The following PRUNE2 variants were observed in gnomAD, a reference collection of about 807,000 sequenced individuals.
PRUNE2 encodes protein prune homolog 2.
Under a neutral mutation model 252.0 loss-of-function variants are expected in PRUNE2, and 164 were observed. The observed-to-expected ratio is 0.65, with a 90% CI of 0.57 to 0.74. PRUNE2 has a LOEUF of 0.74. PRUNE2 is among the 30% of genes least tolerant of loss of function. The pLI is 0.00. For missense variants in PRUNE2, 3,495 were observed against 3,711.0 expected, an observed-to-expected ratio of 0.94 and a Z score of 1.51; for synonymous variants, 1,292 against 1,350.2, an observed-to-expected ratio of 0.96 and a Z score of 0.94.
At chr9:76,734,767 C>G (rs537191008) in intron 6 of PRUNE2, among the ~76,000 whole-genome samples, 1 of 152,280 alleles carries the variant, frequency 6.6e-6, no homozygotes, top group East Asian at 1.9e-4. Context: ...CAGGCCTAGC[C>G]ATACTCTGTT....
At chr9:76,703,314 A>T (rs763531370) in intron 9 of PRUNE2, 23 bp downstream of exon 9, 1 of 1,542,040 alleles carries the variant, frequency 6.5e-7, no homozygotes, top group Non-Finnish European at 8.7e-7. Flanking sequence ...CAGGAAAAAA[A>T]ATAAATCTAG....
At chr9:76,839,712 T>C (rs932482726) in intron 4 of PRUNE2, among the ~76,000 whole-genome samples, 2 of 152,084 alleles carry the variant, frequency 1.3e-5, no homozygotes, top group African/African-American at 2.4e-5. Context: ...ATGGAGGAGA[T>C]AGGGCAACAG....
intron 4 of PRUNE2, among the ~76,000 whole-genome samples, chr9:76,842,561 A>T (rs1456384900): frequency 6.6e-6 from 1 of 152,210 alleles, no homozygotes; most frequent in African/African-American, 2.4e-5. Context: ...ACAGAGTGGG[A>T]GAAAAATTTT....
chr9:76,620,565 T>C (rs1831840165), intron 17 of PRUNE2, among the ~76,000 whole-genome samples: 1 of 152,150 alleles, frequency 6.6e-6, no homozygotes, highest in South Asian at 2.1e-4. Flanking sequence ...TGTTTGCACA[T>C]AAGAGGATCC....
intron 6 of PRUNE2, among the ~76,000 whole-genome samples, chr9:76,804,687 T>A (rs921857435): frequency 1.3e-5 from 2 of 152,114 alleles, no homozygotes; most frequent in Non-Finnish European, 2.9e-5. Context: ...AAAGCCCCAG[T>A]GGGTGCTGGG....
rs576784433 is a variant in PRUNE2 at position 76,698,917 on chromosome 9, C to T, written c.8276+4420G>A. 3.9e-5 allele frequency among the ~76,000 whole-genome samples: 6 copies of T among 152,270 alleles called. No homozygotes were observed. The South Asian group carries it at 1.2e-3, about 32-fold the overall frequency. On this transcript the variant is annotated intron_variant, in intron 9 of 18. Transcript: ENST00000376718. ...TCTTTATTTCAGGGAATACTGAATACCTCACCTCACAGAGCTAGGAAACAA... is the reference window on the plus strand; with the variant it reads ...TCTTTATTTCAGGGAATACTGAATATCTCACCTCACAGAGCTAGGAAACAA...
At position 76,888,857 on chromosome 9, in the gene PRUNE2, T is replaced by A. The variant is rs566825449; in HGVS notation, c.36+17071A>T. Among the ~76,000 whole-genome samples, 406 of 152,100 alleles carry A rather than the reference T, an allele frequency of 2.7e-3. 1 individual carries two copies. Among genetic ancestry groups the A allele is most frequent in the African/African-American group, 9.1e-3 (379 of 41,492 alleles). ...TAATGTTTTTTGTTGTTGTTGTTGT[T>A]TTTGAGACGGAGTCGCGCTCTGTCA... On this transcript the variant is annotated intron_variant, in intron 1 of 18. Coordinates refer to ENST00000376718, the MANE Select transcript of PRUNE2 (RefSeq NM_015225.3).
At chr9:76,700,904 C>T (rs2045831735) in intron 9 of PRUNE2, among the ~76,000 whole-genome samples, 2 of 152,222 alleles carry the variant, frequency 1.3e-5, no homozygotes, top group Admixed American at 1.3e-4. Context: ...GGTCCAACAG[C>T]AAATAGCCTG....
intron 1 of PRUNE2, among the ~76,000 whole-genome samples, chr9:76,879,224 G>C (rs919827699): frequency 1.3e-5 from 2 of 152,186 alleles, no homozygotes; most frequent in African/African-American, 4.8e-5. Context: ...GAGAGACAGA[G>C]AAAGAAAACA....
chr9:76,717,824 C>T (rs1334952022), intron 6 of PRUNE2, among the ~76,000 whole-genome samples: 1 of 152,148 alleles, frequency 6.6e-6, no homozygotes, highest in Non-Finnish European at 1.5e-5. Flanking sequence ...GGGAGAATGG[C>T]AATTGCTCCC....
intron 2 of PRUNE2, 28 bp downstream of exon 2, chr9:76,854,075 AT>A (rs2060109198): frequency 1.9e-6 from 2 of 1,070,888 alleles, no homozygotes; most frequent in Non-Finnish European, 2.8e-6. Flanking sequence ...AATTCAAAAT[AT>A]AAGGAGTATT....
intron 1 of PRUNE2, among the ~76,000 whole-genome samples, chr9:76,855,613 G>C (rs990926477): frequency 1.3e-5 from 2 of 152,088 alleles, no homozygotes; most frequent in African/African-American, 2.4e-5. Context: ...AGGGGGCTAG[G>C]TTAGTCTATC....
chr9:76,887,499 C>T (rs991272406), intron 1 of PRUNE2, among the ~76,000 whole-genome samples: 2 of 152,214 alleles, frequency 1.3e-5, no homozygotes, highest in South Asian at 2.1e-4. Flanking sequence ...GACAATAATC[C>T]GTCCCTGCAC....
At chr9:76,807,070 G>GTC (rs545306350) in intron 6 of PRUNE2, among the ~76,000 whole-genome samples, 7 of 150,966 alleles carry the variant, frequency 4.6e-5, no homozygotes, top group Non-Finnish European at 8.9e-5. Flanking sequence ...GCGTGTGTCT[G>GTC]TCTCTCTCTC....
chr9:76,728,449 G>A (rs2048307786), intron 6 of PRUNE2, among the ~76,000 whole-genome samples: 1 of 152,108 alleles, frequency 6.6e-6, no homozygotes, highest in Non-Finnish European at 1.5e-5. Flanking sequence ...TTTTCAAGGA[G>A]GTACATTGAT....
At chr9:76,681,636 T>C (rs2043449836) in intron 9 of PRUNE2, among the ~76,000 whole-genome samples, 1 of 152,130 alleles carries the variant, frequency 6.6e-6, no homozygotes, top group African/African-American at 2.4e-5. Flanking sequence ...TACAGCTTGA[T>C]GTCCTGGGAC....
intron 1 of PRUNE2, among the ~76,000 whole-genome samples, chr9:76,871,960 T>C (rs777036335): frequency 6.6e-6 from 1 of 152,100 alleles, no homozygotes; most frequent in Non-Finnish European, 1.5e-5. Flanking sequence ...AATTACGCTG[T>C]AGATAGTGAC....
intron 13 of PRUNE2, among the ~76,000 whole-genome samples, chr9:76,637,931 C>G (rs1238645926): frequency 1.3e-5 from 2 of 152,070 alleles, no homozygotes; most frequent in East Asian, 3.9e-4. Context: ...AATACTTTGC[C>G]CAAAGGAAAT....
chr9:76,656,947 C>T (rs535025233), intron 9 of PRUNE2, among the ~76,000 whole-genome samples: 1 of 152,300 alleles, frequency 6.6e-6, no homozygotes, highest in African/African-American at 2.4e-5. Flanking sequence ...AATAATGTAT[C>T]AGCAGGAACA....
Sources: allele counts gnomAD v4.1 joint callset (sites outside exome capture counted in the v4.1 genomes callset), GRCh38; gene constraint gnomAD v4.1.1; transcripts MANE v1.5; gene names NCBI Gene and HGNC (gene_info 2026-07-23, HGNC 2026-07-21).